PDE3A: variants seen among roughly 807,000 people sequenced by gnomAD.
PDE3A encodes the protein phosphodiesterase 3A.
Under a neutral mutation model 98.3 loss-of-function variants are expected in PDE3A, and 43 were observed. That is an observed-to-expected ratio of 0.44 (90% CI 0.34 to 0.56). The LOEUF (loss-of-function observed/expected upper bound fraction) is 0.56. Ranked by LOEUF, PDE3A falls within the 20% of genes least tolerant of loss-of-function variation. PDE3A has a pLI of 0.01. For missense variants in PDE3A, 1,427 were observed against 1,440.7 expected (o/e 0.99, Z 0.15); for synonymous variants, 663 against 567.9 (o/e 1.17, Z -2.38).
At chr12:20,447,762 A>G (rs574600911) in intron 1 of PDE3A, among the ~76,000 whole-genome samples, 10 of 152,316 alleles carry the variant, frequency 6.6e-5, no homozygotes, top group African/African-American at 2.2e-4. Context: ...TAGAAAATTA[A>G]TCAAACACAA....
chr12:20,681,150 A>C lies in PDE3A; in HGVS notation c.*879A>C, dbSNP rs139496881. ...TGGTATTACATTACTGCTATGCACCACTTGAAGGAGCTCTATCACCAGCCT... is the reference window on the plus strand; with the variant it reads ...TGGTATTACATTACTGCTATGCACCCCTTGAAGGAGCTCTATCACCAGCCT... On this transcript the variant is annotated 3_prime_UTR_variant, in exon 16 of 16. Transcript: ENST00000359062. 6.6e-6 allele frequency: 1 copy of C among 152,094 alleles called. No individual in the cohort carries two copies. The highest frequency in any genetic ancestry group is 2.4e-5 in the African/African-American group (1 of 41,406). The allele number at this position is 152,094 out of a possible 1,614,324, so 9.4% of individuals were successfully genotyped here. A position where few individuals can be genotyped will look rare whatever the true frequency, so the allele number is the denominator to read the frequency against.
intron 15 of PDE3A, among the ~76,000 whole-genome samples, chr12:20,669,798 G>T (rs1945421662): frequency 6.6e-6 from 1 of 151,366 alleles, no homozygotes; most frequent in Non-Finnish European, 1.5e-5. Context: ...AAACTAACGA[G>T]CAAAATAACC....
intron 1 of PDE3A, among the ~76,000 whole-genome samples, chr12:20,457,795 T>A (rs1003725892): frequency 1.0e-5 from 1 of 97,920 alleles, no homozygotes; most frequent in African/African-American, 4.0e-5. Context: ...GCTGTAAAAA[T>A]TTTTTTAAAA....
chr12:20,396,631 T>C (rs1944023607), intron 1 of PDE3A, among the ~76,000 whole-genome samples: 2 of 152,014 alleles, frequency 1.3e-5, no homozygotes, highest in Admixed American at 1.3e-4. Context: ...CGAGTAAACA[T>C]TAAATTTTAA....
chr12:20,613,039 TA>T (rs1187250467), intron 2 of PDE3A, among the ~76,000 whole-genome samples: 2 of 152,128 alleles, frequency 1.3e-5, no homozygotes, highest in African/African-American at 4.8e-5. Context: ...AAAATATTAC[TA>T]AAAATAACAT....
Position 20,465,687 on chromosome 12 carries a change from G to T in PDE3A, c.961-90973G>T, listed in dbSNP as rs1945330544. 2.0e-5 allele frequency among the ~76,000 whole-genome samples: 3 copies of T among 152,262 alleles called. No individual in the cohort carries two copies. The South Asian group carries it at 6.2e-4, about 32-fold the overall frequency. On this transcript the variant is annotated intron_variant, in intron 1 of 15. Transcript: ENST00000359062. ...GCCTCCCAAAGTACTGGGATTACAG[G>T]CAGGAGCCACCGTGCCCAGCCAGTA...
chr12:20,425,906 T>A (rs1166517090), intron 1 of PDE3A, among the ~76,000 whole-genome samples: 1 of 152,208 alleles, frequency 6.6e-6, no homozygotes, highest in Non-Finnish European at 1.5e-5. Context: ...GTAAGTTACT[T>A]AAATTGTCTG....
rs1165554825 is a variant in PDE3A, at chr12:20,561,773, G to C, written c.1011+5063G>C. ...ATATATGCATTATCACAGAATTTAA[G>C]ATGCACCATTCATATCAAATACTTG... On this transcript the variant is annotated intron_variant, in intron 2 of 15. Coordinates refer to ENST00000359062, the MANE Select transcript of PDE3A (RefSeq NM_000921.5). 2.0e-5 allele frequency among the ~76,000 whole-genome samples: 3 copies of C among 152,048 alleles called. No individual in the cohort carries two copies. The East Asian group carries it at 5.8e-4, about 29-fold the overall frequency.
chr12:20,602,696 T>C (rs1403417973), intron 2 of PDE3A, among the ~76,000 whole-genome samples: 1 of 151,980 alleles, frequency 6.6e-6, no homozygotes, highest in Non-Finnish European at 1.5e-5. Context: ...TACATACATA[T>C]TATCTTAAGG....
chr12:20,607,746 A>G (rs1360742567), intron 2 of PDE3A, among the ~76,000 whole-genome samples: 1 of 151,920 alleles, frequency 6.6e-6, no homozygotes. Context: ...GATTTGTTTG[A>G]TCATCTGCAC....
rs1052098556 is a variant in PDE3A at position 20,552,567 on chromosome 12, G to A, written c.961-4093G>A. 2 of 1,613,814 alleles carry A rather than the reference G, an allele frequency of 1.2e-6. No homozygotes were observed. The highest frequency in any genetic ancestry group is 1.7e-5 in the Admixed American group (1 of 60,006). ...CGTCCCCCAGGACGGGCAAGGGCAA[G>A]TGGAAGCGGAAGTCGGCAGGAGGTG... On this transcript the variant is annotated intron_variant, in intron 1 of 15. Coordinates refer to ENST00000359062, the MANE Select transcript of PDE3A (RefSeq NM_000921.5). This position sits in a 1 kb window ranked among gnomAD's most constrained non-coding sequence, Gnocchi z 5.1.
intron 15 of PDE3A, among the ~76,000 whole-genome samples, chr12:20,660,009 C>G (rs1413710172): frequency 6.6e-6 from 1 of 152,120 alleles, no homozygotes; most frequent in Non-Finnish European, 1.5e-5. Context: ...CCACCCAACC[C>G]TCATCTTGAA....
intron 1 of PDE3A, among the ~76,000 whole-genome samples, chr12:20,516,038 T>C (rs556686947): frequency 6.6e-6 from 1 of 151,898 alleles, no homozygotes; most frequent in African/African-American, 2.4e-5. Flanking sequence ...GGCCTATTTT[T>C]TTTTTTTTCA....
chr12:20,536,057 C>G (rs1480951506), intron 1 of PDE3A, among the ~76,000 whole-genome samples: 2 of 152,060 alleles, frequency 1.3e-5, no homozygotes, highest in Non-Finnish European at 2.9e-5. Flanking sequence ...CCATTTGGTT[C>G]AGACTCTGCA....
intron 1 of PDE3A, among the ~76,000 whole-genome samples, chr12:20,387,380 A>G (rs530266841): frequency 1.2e-4 from 19 of 152,184 alleles, no homozygotes; most frequent in Non-Finnish European, 2.1e-4. Flanking sequence ...GGCCAGTTTC[A>G]CAATATTGAT....
At chr12:20,594,677 T>C (rs898852149) in intron 2 of PDE3A, among the ~76,000 whole-genome samples, 6 of 152,132 alleles carry the variant, frequency 3.9e-5, no homozygotes, top group South Asian at 4.1e-4. Flanking sequence ...ATGAGTAGCA[T>C]TTTGATTATT....
chr12:20,666,050 C>A (rs1945302073), intron 15 of PDE3A, among the ~76,000 whole-genome samples: 2 of 148,926 alleles, frequency 1.3e-5, no homozygotes, highest in South Asian at 4.3e-4. Context: ...TGCAAGCTCA[C>A]TCCGTCTCCT....
At chr12:20,454,609 G>C (rs1475335859) in intron 1 of PDE3A, among the ~76,000 whole-genome samples, 1 of 151,974 alleles carries the variant, frequency 6.6e-6, no homozygotes, top group Non-Finnish European at 1.5e-5. Context: ...TATTTTTCCC[G>C]ATCCTCTCCT....
intron 2 of PDE3A, among the ~76,000 whole-genome samples, chr12:20,570,661 G>A (rs933324305): frequency 2.6e-5 from 4 of 152,200 alleles, no homozygotes; most frequent in East Asian, 3.9e-4. Flanking sequence ...AGCCAACTTC[G>A]TAAGCATTCA....
Sources: gnomAD v4.1 joint callset for allele counts (sites outside exome capture counted in the v4.1 genomes callset) on GRCh38, gnomAD v4.1.1 for gene constraint, Gnocchi (gnomAD v3.1) non-coding constraint, MANE v1.5 for transcripts, NCBI Gene and HGNC (gene_info 2026-07-23, HGNC 2026-07-21) for gene names.